CAPNS2: variants seen among roughly 807,000 people sequenced by gnomAD.
CAPNS2 encodes calpain small subunit 2, also known as calcium-dependent protease small subunit 2.
CAPNS2 carries 13 observed loss-of-function variants against 17.5 expected under a neutral mutation model. The observed-to-expected ratio is 0.74, with a 90% CI of 0.48 to 1.18. The LOEUF (loss-of-function observed/expected upper bound fraction) is 1.18, where lower values mean the gene tolerates loss of function less well. Ranked by LOEUF, CAPNS2 falls within the 50% of genes most tolerant of loss-of-function variation. The pLI, the probability that CAPNS2 is intolerant of heterozygous loss-of-function variation, is 0.00. For synonymous variants in CAPNS2, 101 were observed against 108.2 expected (o/e 0.93, Z 0.41); for missense variants, 279 against 301.6 (o/e 0.93, Z 0.55).
chr16:55,567,047 CACTGA>C lies in CAPNS2; in HGVS notation c.292_296del (p.Thr98SerfsTer11). The stretch of plus-strand genomic sequence containing the variant: ...CTGGACCAGACATGGAGGTGGGTGC[CACTGA>C]TCTGATGAATATTCTCAACAAAGTC... On this transcript the variant is annotated frameshift_variant, in exon 1 of 1. Transcript: ENST00000457326. LOFTEE classifies it high-confidence loss of function. The C allele has an allele frequency of 6.2e-7, 1 of 1,613,820 alleles. No homozygotes were observed. The highest frequency in any genetic ancestry group is 8.5e-7 in the Non-Finnish European group (1 of 1,179,868).
chr16:55,567,005 A>G lies in CAPNS2; in HGVS notation c.249A>G (p.Gln83=). The G allele has an allele frequency of 6.2e-6, 10 of 1,613,916 alleles. No homozygotes were observed. The highest frequency in any genetic ancestry group is 8.5e-6 in the Non-Finnish European group (10 of 1,179,880). Reference sequence around the variant, plus strand: ...GTGAGGAAGTTAGGCGATTTCGGCAACAATTTACACAGCTGGCTGGACCAG... The same window carrying G: ...GTGAGGAAGTTAGGCGATTTCGGCAGCAATTTACACAGCTGGCTGGACCAG... The part of the protein sequence containing the change: ...SESEEVRRFR[Q]QFTQLAGPDM... The change falls in exon 1 of 1, where the codon CAA becomes CAG. Residue 83 remains glutamine, a synonymous_variant. Coordinates refer to ENST00000457326, the MANE Select transcript of CAPNS2 (RefSeq NM_032330.3).
chr16:55,567,400 G>A lies in CAPNS2; in HGVS notation c.644G>A (p.Arg215His), dbSNP rs552685651. The change falls in exon 1 of 1, where the codon CGC becomes CAC. Residue 215 changes from arginine to histidine, a missense_variant. Transcript: ENST00000457326. ...AACAATTTCATCAGCTGCTTGGTCC[G>A]CCTGGATGCCATGTTTCGTGCCTTC... Reference protein sequence around the residue: ...DFNNFISCLVRLDAMFRAFKS... With the variant: ...DFNNFISCLVHLDAMFRAFKS... 1.2e-5 allele frequency: 19 copies of A among 1,613,768 alleles called. No individual in the cohort carries two copies. Among genetic ancestry groups the A allele is most frequent in the South Asian group, 2.2e-5 (2 of 91,078 alleles).
chr16:55,567,246 G>A lies in CAPNS2; in HGVS notation c.490G>A (p.Asp164Asn), dbSNP rs1182315899. 1.2e-6 allele frequency: 2 copies of A among 1,613,706 alleles called. No individual in the cohort carries two copies. The highest frequency in any genetic ancestry group is 8.5e-7 in the Non-Finnish European group (1 of 1,179,854). ...GTGTGTTTATAAGCAGTATGACAGG[G>A]ACCATTCTGGGTCTCTGGGAAGTTC... ...WQCVYKQYDR[D>N]HSGSLGSSQL... The change falls in exon 1 of 1, where the codon GAC (aspartate) becomes AAC (asparagine). Residue 164 changes from aspartate to asparagine, a missense_variant. Transcript: ENST00000457326.
rs781569523 is a variant in CAPNS2 at position 55,566,779 on chromosome 16, T to C, written c.23T>C (p.Leu8Ser). MFLAKALLEGADRGLGEA... is the reference protein window; with the variant it reads MFLAKALSEGADRGLGEA... ...AGCATGTTTCTTGCAAAGGCTCTAT[T>C]GGAAGGAGCAGATCGAGGTCTTGGA... Residue 8 changes from leucine (L) to serine (S), a missense_variant, in exon 1 of 1, where the codon TTG (leucine) becomes TCG (serine). Coordinates refer to ENST00000457326, the MANE Select transcript of CAPNS2 (RefSeq NM_032330.3). The C allele has an allele frequency of 6.2e-7, 1 of 1,613,152 alleles. No homozygotes were observed. The highest frequency in any genetic ancestry group is 1.1e-5 in the South Asian group (1 of 91,048).
rs552685651 is a variant in CAPNS2 at position 55,567,400 on chromosome 16, G to T, written c.644G>T (p.Arg215Leu). The change falls in exon 1 of 1, where the codon CGC becomes CTC. Residue 215 changes from arginine (R) to leucine (L), a missense_variant. Coordinates refer to ENST00000457326, the MANE Select transcript of CAPNS2 (RefSeq NM_032330.3). The stretch of plus-strand genomic sequence containing the variant: ...AACAATTTCATCAGCTGCTTGGTCC[G>T]CCTGGATGCCATGTTTCGTGCCTTC... ...DFNNFISCLV[R>L]LDAMFRAFKS... 1 of 1,613,768 alleles carries T rather than the reference G, an allele frequency of 6.2e-7. No individual in the cohort carries two copies. The highest frequency in any genetic ancestry group is 8.5e-7 in the Non-Finnish European group (1 of 1,179,786).
At position 55,567,587 on chromosome 16, in the gene CAPNS2, G is replaced by A; in HGVS notation, c.*84G>A. The stretch of plus-strand genomic sequence containing the variant: ...CTGTACACAGTTGCTGATACCCTGT[G>A]CAACAGCTCTCATTTCCTGGCAAGC... On this transcript the variant is annotated 3_prime_UTR_variant, in exon 1 of 1. Coordinates refer to ENST00000457326, the MANE Select transcript of CAPNS2 (RefSeq NM_032330.3). The A allele has an allele frequency of 7.4e-7, 1 of 1,358,786 alleles. No individual in the cohort carries two copies. Among genetic ancestry groups the A allele is most frequent in the Non-Finnish European group, 1.0e-6 (1 of 988,770 alleles). 84.2% of individuals were successfully genotyped at this position (1,358,786 alleles called of 1,614,324 possible). A position where few individuals can be genotyped will look rare whatever the true frequency, so the allele number is the denominator to read the frequency against.
rs1596882933 is a variant in CAPNS2, at chr16:55,566,725, T to C, written c.-32T>C. On this transcript the variant is annotated 5_prime_UTR_variant, in exon 1 of 1. Transcript: ENST00000457326. ...ATCTTTTTTCATACCATCTCTAAGA[T>C]TGCTGCCGCATTTGCTTGTTAAACT... 1 of 1,575,546 alleles carries C rather than the reference T, an allele frequency of 6.3e-7. No individual in the cohort carries two copies. Among genetic ancestry groups the C allele is most frequent in the Non-Finnish European group, 8.6e-7 (1 of 1,164,018 alleles).
chr16:55,566,922 T>C lies in CAPNS2; in HGVS notation c.166T>C (p.Tyr56His), dbSNP rs1170446454. Residue 56 changes from tyrosine to histidine, a missense_variant, in exon 1 of 1, where the codon TAT becomes CAT. By Grantham distance (83) the Tyr-to-His change is moderately conservative. Coordinates refer to ENST00000457326, the MANE Select transcript of CAPNS2 (RefSeq NM_032330.3). Reference protein sequence around the residue: ...NFISEAAAAQYTPEPPPTQQH... With the variant: ...NFISEAAAAQHTPEPPPTQQH... ...TATCAGTGAGGCTGCAGCAGCTCAGTATACTCCAGAACCGCCTCCCACTCA... is the reference window on the plus strand; with the variant it reads ...TATCAGTGAGGCTGCAGCAGCTCAGCATACTCCAGAACCGCCTCCCACTCA... The C allele has an allele frequency of 1.9e-6, 3 of 1,613,812 alleles. No homozygotes were observed. The South Asian group carries it at 3.3e-5, about 18-fold the overall frequency.
In CAPNS2 at chr16:55,567,310, T is replaced by G; in HGVS notation, c.554T>G (p.Leu185Arg). The stretch of plus-strand genomic sequence containing the variant: ...GCTCTGCAGGCCGCAGGCTTCCAGC[T>G]AAATGAACAACTTTACCAAATGATT... ...RGALQAAGFQ[L>R]NEQLYQMIVR... Residue 185 changes from leucine to arginine, a missense_variant, in exon 1 of 1, where the codon CTA becomes CGA. Leu to Arg is a moderately radical substitution (Grantham distance 102, BLOSUM62 -2). Coordinates refer to ENST00000457326, the MANE Select transcript of CAPNS2 (RefSeq NM_032330.3). 4 of 1,613,660 alleles carry G rather than the reference T, an allele frequency of 2.5e-6. No homozygotes were observed. The highest frequency in any genetic ancestry group is 3.4e-6 in the Non-Finnish European group (4 of 1,179,854).
At position 55,567,445 on chromosome 16, in the gene CAPNS2, G is replaced by A; in HGVS notation, c.689G>A (p.Arg230Lys). ...GCCTTCAAGTCTCTGGATAGAGATA[G>A]AGATGGCCTGATTCAAGTGTCTATC... ...FRAFKSLDRD[R>K]DGLIQVSIKE... Residue 230 changes from arginine to lysine, a missense_variant, in exon 1 of 1, where the codon AGA becomes AAA. Coordinates refer to ENST00000457326, the MANE Select transcript of CAPNS2 (RefSeq NM_032330.3). 6.2e-7 allele frequency: 1 copy of A among 1,613,854 alleles called. No homozygotes were observed. The highest frequency in any genetic ancestry group is 1.3e-5 in the African/African-American group (1 of 75,036).
Position 55,566,973 on chromosome 16 carries a change from T to G in CAPNS2, c.217T>G (p.Ser73Ala). 1 of 1,613,792 alleles carries G rather than the reference T, an allele frequency of 6.2e-7. No homozygotes were observed. The highest frequency in any genetic ancestry group is 8.5e-7 in the Non-Finnish European group (1 of 1,179,868). ...GCAGCATTTCACCAGTGTGGAGGCC[T>G]CAGAAAGTGAGGAAGTTAGGCGATT... is the stretch of plus-strand genomic sequence containing the variant. Reference protein sequence around the residue: ...TQQHFTSVEASESEEVRRFRQ... With the variant: ...TQQHFTSVEAAESEEVRRFRQ... Residue 73 changes from serine to alanine, a missense_variant, in exon 1 of 1, where the codon TCA becomes GCA. Physicochemically the swap from Ser to Ala is moderately conservative, Grantham distance 99. Transcript: ENST00000457326.
In CAPNS2 at chr16:55,567,228, T is replaced by C. The variant is rs776089705; in HGVS notation, c.472T>C (p.Tyr158His). Residue 158 changes from tyrosine to histidine, a missense_variant, in exon 1 of 1, where the codon TAT becomes CAT. Transcript: ENST00000457326. ...CAACATCAAGAAATGGCAGTGTGTT[T>C]ATAAGCAGTATGACAGGGACCATTC... The part of the protein sequence containing the change: ...WNNIKKWQCV[Y>H]KQYDRDHSGS... The C allele has an allele frequency of 6.2e-7, 1 of 1,613,824 alleles. No individual in the cohort carries two copies. Among genetic ancestry groups the C allele is most frequent in the South Asian group, 1.1e-5 (1 of 91,080 alleles).
At position 55,567,316 on chromosome 16, in the gene CAPNS2, A is replaced by C; in HGVS notation, c.560A>C (p.Glu187Ala). The change falls in exon 1 of 1, where the codon GAA (glutamate) becomes GCA (alanine). Residue 187 changes from glutamate (E) to alanine (A), a missense_variant. Transcript: ENST00000457326. ...ALQAAGFQLN[E>A]QLYQMIVRRY... ...CAGGCCGCAGGCTTCCAGCTAAATGAACAACTTTACCAAATGATTGTCCGC... is the reference window on the plus strand; with the variant it reads ...CAGGCCGCAGGCTTCCAGCTAAATGCACAACTTTACCAAATGATTGTCCGC... The C allele has an allele frequency of 6.2e-7, 1 of 1,613,654 alleles. No homozygotes were observed. The highest frequency in any genetic ancestry group is 1.3e-5 in the African/African-American group (1 of 75,040).
In CAPNS2 at chr16:55,567,428, GTC is replaced by G; in HGVS notation, c.676_677del (p.Leu226GlyfsTer2). The G allele has an allele frequency of 1.2e-6, 2 of 1,613,854 alleles. No individual in the cohort carries two copies. Among genetic ancestry groups the G allele is most frequent in the Non-Finnish European group, 1.7e-6 (2 of 1,179,814 alleles). ...RLDAMFRAFK[S>X]LDRDRDGLIQ... ...TGGATGCCATGTTTCGTGCCTTCAA[GTC>G]TCTGGATAGAGATAGAGATGGCCTG... is the stretch of plus-strand genomic sequence containing the variant. On this transcript the variant is annotated frameshift_variant, in exon 1 of 1. Transcript: ENST00000457326. LOFTEE classifies it high-confidence loss of function.
chr16:55,566,892 A>T lies in CAPNS2; in HGVS notation c.136A>T (p.Asn46Tyr), dbSNP rs1963704763. The T allele has an allele frequency of 1.2e-6, 2 of 1,613,832 alleles. No homozygotes were observed. The highest frequency in any genetic ancestry group is 1.7e-6 in the Non-Finnish European group (2 of 1,179,860). Residue 46 changes from asparagine (N) to tyrosine (Y), a missense_variant, in exon 1 of 1, where the codon AAT becomes TAT. Asn to Tyr is a moderately radical substitution (Grantham distance 143). Transcript: ENST00000457326. ...TGGAGGGATAGTTGGAGGAATTGTG[A>T]ATTTTATCAGTGAGGCTGCAGCAGC... ...NIGGIVGGIV[N>Y]FISEAAAAQY...
chr16:55,566,743 G>T lies in CAPNS2; in HGVS notation c.-14G>T. On this transcript the variant is annotated 5_prime_UTR_variant, in exon 1 of 1. Transcript: ENST00000457326. Reference sequence around the variant, plus strand: ...TCTAAGATTGCTGCCGCATTTGCTTGTTAAACTGAAAGCATGTTTCTTGCA... The same window carrying T: ...TCTAAGATTGCTGCCGCATTTGCTTTTTAAACTGAAAGCATGTTTCTTGCA... 1 of 1,593,080 alleles carries T rather than the reference G, an allele frequency of 6.3e-7. No homozygotes were observed. Among genetic ancestry groups the T allele is most frequent in the Non-Finnish European group, 8.5e-7 (1 of 1,170,456 alleles).
Position 55,567,140 on chromosome 16 carries a change from G to A in CAPNS2, c.384G>A (p.Val128=), listed in dbSNP as rs1186946961. 3 of 1,613,880 alleles carry A rather than the reference G, an allele frequency of 1.9e-6. No individual in the cohort carries two copies. The highest frequency in any genetic ancestry group is 2.5e-6 in the Non-Finnish European group (3 of 1,179,864). Residue 128 remains valine, a synonymous_variant, in exon 1 of 1, where the codon GTG becomes GTA. Transcript: ENST00000457326. ...GFSLDTCRSI[V]SVMDSDTTGK... ...GTCTTGACACCTGCCGGAGCATTGT[G>A]TCTGTCATGGACAGTGACACGACTG... is the stretch of plus-strand genomic sequence containing the variant.
At position 55,566,962 on chromosome 16, in the gene CAPNS2, G is replaced by C. The variant is rs768647097; in HGVS notation, c.206G>C (p.Ser69Thr). Residue 69 changes from serine (S) to threonine (T), a missense_variant, in exon 1 of 1, where the codon AGT (serine) becomes ACT (threonine). By Grantham distance (58) the Ser-to-Thr change is moderately conservative (BLOSUM62 1). Transcript: ENST00000457326. ...CCTCCCACTCAGCAGCATTTCACCA[G>C]TGTGGAGGCCTCAGAAAGTGAGGAA... is the stretch of plus-strand genomic sequence containing the variant. ...EPPPTQQHFT[S>T]VEASESEEVR... 6.2e-7 allele frequency: 1 copy of C among 1,613,850 alleles called. No homozygotes were observed. The highest frequency in any genetic ancestry group is 8.5e-7 in the Non-Finnish European group (1 of 1,179,876).
Position 55,566,846 on chromosome 16 carries a change from A to G in CAPNS2, c.90A>G (p.Arg30=), listed in dbSNP as rs775614761. The change falls in exon 1 of 1, where the codon AGA becomes AGG. Residue 30 remains arginine (R), a synonymous_variant. Coordinates refer to ENST00000457326, the MANE Select transcript of CAPNS2 (RefSeq NM_032330.3). ...TCTTTGGAGGAGGTGGTCAGAGAAGAGAAGGAGGAGGAAGAAATATTGGAG... is the reference window on the plus strand; with the variant it reads ...TCTTTGGAGGAGGTGGTCAGAGAAGGGAAGGAGGAGGAAGAAATATTGGAG... ...GGLFGGGGQR[R]EGGGRNIGGI... The G allele has an allele frequency of 1.2e-6, 2 of 1,613,890 alleles. No homozygotes were observed. The highest frequency in any genetic ancestry group is 2.2e-5 in the South Asian group (2 of 91,086).
Sources: allele counts gnomAD v4.1 joint callset, GRCh38; gene constraint gnomAD v4.1.1; transcripts MANE v1.5; gene names NCBI Gene and HGNC (gene_info 2026-07-23, HGNC 2026-07-21).